The following ARHGEF7 variants were observed in gnomAD, a reference collection of about 807,000 sequenced individuals.
ARHGEF7 encodes Rho guanine nucleotide exchange factor 7, also known as PAK-interacting exchange factor beta.
In ARHGEF7, 33 loss-of-function variants were observed where a neutral mutation model predicts 109.8. The ratio of observed to expected loss-of-function variants is 0.30; its 90% CI spans 0.23 to 0.40. The LOEUF is 0.40. Ranked by LOEUF, ARHGEF7 falls within the 10% of genes least tolerant of loss-of-function variation. ARHGEF7 has a pLI of 1.00. For missense variants in ARHGEF7, 938 were observed against 1,098.5 expected (o/e 0.85, Z 2.07); for synonymous variants, 458 against 424.6 (o/e 1.08, Z -0.97).
chr13:111,258,953 A>G lies in ARHGEF7; in HGVS notation c.951-8595A>G, dbSNP rs986450466. Among the ~76,000 whole-genome samples, 2 of 152,110 alleles carry G rather than the reference A, an allele frequency of 1.3e-5. No homozygotes were observed. Among genetic ancestry groups the G allele is most frequent in the East Asian group, 3.9e-4 (2 of 5,178 alleles). ...GCAATAAACAGGCAGTACTTGCTGCAGGCCCGGTGGTGGCTACAGGGAGAG... is the reference window on the plus strand; with the variant it reads ...GCAATAAACAGGCAGTACTTGCTGCGGGCCCGGTGGTGGCTACAGGGAGAG... On this transcript the variant is annotated intron_variant, in intron 8 of 21. Coordinates refer to ENST00000646102, the MANE Select transcript of ARHGEF7 (RefSeq NM_001354046.2). The surrounding 1 kb of genome is among the most constrained non-coding windows in gnomAD (Gnocchi z 4.4).
chr13:111,200,137 C>G (rs1224753947), intron 2 of ARHGEF7, among the ~76,000 whole-genome samples: 1 of 152,136 alleles, frequency 6.6e-6, no homozygotes, highest in Non-Finnish European at 1.5e-5. Flanking sequence ...GACATCACCT[C>G]TCTCGGCCCC....
chr13:111,220,764 C>G (rs1324588057), intron 5 of ARHGEF7, among the ~76,000 whole-genome samples: 4 of 152,024 alleles, frequency 2.6e-5, no homozygotes, highest in African/African-American at 9.7e-5. Context: ...AGTGCTCTCA[C>G]TTTGTTCTAC....
chr13:111,145,459 A>T lies in ARHGEF7; in HGVS notation c.166-8446A>T, dbSNP rs1014050784. Among the ~76,000 whole-genome samples, 2 of 152,200 alleles carry T rather than the reference A, an allele frequency of 1.3e-5. No individual in the cohort carries two copies. The highest frequency in any genetic ancestry group is 4.8e-5 in the African/African-American group (2 of 41,450). ...AGGTCAAGGGAAGGAGGGTTTCTCC[A>T]GCCAGTGAGAGCTGTAGTTACAGGA... On this transcript the variant is annotated intron_variant, in intron 1 of 21. Coordinates refer to ENST00000646102, the MANE Select transcript of ARHGEF7 (RefSeq NM_001354046.2). The surrounding 1 kb of genome is among the most constrained non-coding windows in gnomAD (Gnocchi z 4.3).
At chr13:111,120,804 C>G (rs925026497) in intron 1 of ARHGEF7, among the ~76,000 whole-genome samples, 8 of 152,228 alleles carry the variant, frequency 5.3e-5, no homozygotes, top group Admixed American at 4.6e-4. Context: ...GGCGCTGTCC[C>G]TCGCAATACC....
chr13:111,115,756 G>C, intron 1 of ARHGEF7, 65 bp downstream of exon 1: 1 of 997,078 alleles, frequency 1.0e-6, no homozygotes. Context: ...CGGGATGCGC[G>C]CGGAGCACCT....
At chr13:111,201,574 C>T (rs530974715) in intron 2 of ARHGEF7, among the ~76,000 whole-genome samples, 1 of 152,328 alleles carries the variant, frequency 6.6e-6, no homozygotes, top group East Asian at 1.9e-4. Flanking sequence ...TTTTCCTTGG[C>T]AGAATGGAGT....
intron 3 of ARHGEF7, among the ~76,000 whole-genome samples, chr13:111,206,251 C>T (rs1039277091): frequency 2.0e-5 from 3 of 151,466 alleles, no homozygotes; most frequent in Non-Finnish European, 4.4e-5. Flanking sequence ...GTGTACTTGC[C>T]TCACTGCACA....
At chr13:111,221,628 ATATG>A (rs1192087013) in intron 5 of ARHGEF7, among the ~76,000 whole-genome samples, 6 of 102,154 alleles carry the variant, frequency 5.9e-5, no homozygotes, top group Admixed American at 4.4e-4. Context: ...ATGTATATAT[ATATG>A]TATCTCCCCT....
chr13:111,147,740 C>G (rs1318987672), intron 1 of ARHGEF7, among the ~76,000 whole-genome samples: 1 of 145,546 alleles, frequency 6.9e-6, no homozygotes, highest in Non-Finnish European at 1.5e-5. Context: ...CTCTGTCGCC[C>G]AGGCTGGAGT....
chr13:111,203,550 A>G (rs945089133), intron 2 of ARHGEF7, among the ~76,000 whole-genome samples: 3 of 152,200 alleles, frequency 2.0e-5, no homozygotes, highest in African/African-American at 7.2e-5. Flanking sequence ...AAGCACATAG[A>G]ATGCTTAGAT....
At chr13:111,254,146 CTAATA>C (rs2090129642) in intron 8 of ARHGEF7, among the ~76,000 whole-genome samples, 1 of 152,168 alleles carries the variant, frequency 6.6e-6, no homozygotes, top group Admixed American at 6.5e-5. Flanking sequence ...TCAGATTGTT[CTAATA>C]TGTTGTACAT....
intron 1 of ARHGEF7, among the ~76,000 whole-genome samples, chr13:111,150,002 C>T (rs2075814234): frequency 1.3e-5 from 2 of 152,178 alleles, no homozygotes; most frequent in African/African-American, 4.8e-5. Flanking sequence ...TCAAAAGAGG[C>T]TGGTGGAACT....
intron 8 of ARHGEF7, among the ~76,000 whole-genome samples, chr13:111,250,687 G>A (rs897710282): frequency 1.3e-5 from 2 of 152,164 alleles, no homozygotes; most frequent in Non-Finnish European, 1.5e-5. Flanking sequence ...CAAATGGGGT[G>A]CCCAAGCTAT....
chr13:111,168,026 G>A (rs553955814), intron 2 of ARHGEF7, among the ~76,000 whole-genome samples: 6 of 152,030 alleles, frequency 3.9e-5, no homozygotes, highest in Admixed American at 2.0e-4. Context: ...GTCCAGCCTC[G>A]ATAATGTTCC....
At chr13:111,262,732 G>GA (rs1229415572) in intron 8 of ARHGEF7, among the ~76,000 whole-genome samples, 1 of 151,890 alleles carries the variant, frequency 6.6e-6, no homozygotes, top group Non-Finnish European at 1.5e-5. Flanking sequence ...TCTGGGTAAG[G>GA]AAAAAAAACC....
At position 111,127,175 on chromosome 13, in the gene ARHGEF7, C is replaced by T. The variant is rs117957127; in HGVS notation, c.165+11484C>T. ...TCTACAACTTAGATGAAATGGATAACTTTCTTGGAAGACACGAAGCTCACT... is the reference window on the plus strand; with the variant it reads ...TCTACAACTTAGATGAAATGGATAATTTTCTTGGAAGACACGAAGCTCACT... On this transcript the variant is annotated intron_variant, in intron 1 of 21. Transcript: ENST00000646102. Among the ~76,000 whole-genome samples the T allele has an allele frequency of 7.6e-3, 1,163 of 152,252 alleles. 8 individuals are homozygous for T. The highest frequency in any genetic ancestry group is 0.012 in the Non-Finnish European group (839 of 68,020).
chr13:111,288,906 A>G (rs2093143497), intron 18 of ARHGEF7, among the ~76,000 whole-genome samples: 1 of 152,262 alleles, frequency 6.6e-6, no homozygotes, highest in Admixed American at 6.5e-5. Flanking sequence ...CTTTCTAAAA[A>G]ATAATTGCTT....
At chr13:111,298,940 G>C (rs2093490049) in intron 19 of ARHGEF7, among the ~76,000 whole-genome samples, 2 of 152,248 alleles carry the variant, frequency 1.3e-5, no homozygotes, top group East Asian at 1.9e-4. Context: ...CTAAGATCCT[G>C]CAGTTACCCT....
At chr13:111,180,494 A>G (rs989814673) in intron 2 of ARHGEF7, among the ~76,000 whole-genome samples, 2 of 152,258 alleles carry the variant, frequency 1.3e-5, no homozygotes, top group Admixed American at 6.5e-5. Context: ...AACATGCATG[A>G]CAACAGCTTA....
Sources: gnomAD v4.1 joint callset for allele counts (sites outside exome capture counted in the v4.1 genomes callset) on GRCh38, gnomAD v4.1.1 for gene constraint, Gnocchi (gnomAD v3.1) non-coding constraint, MANE v1.5 for transcripts, NCBI Gene and HGNC (gene_info 2026-07-23, HGNC 2026-07-21) for gene names.